GLE1: variants seen among roughly 807,000 people sequenced by gnomAD.
GLE1 encodes mRNA export factor GLE1.
Under a neutral mutation model 97.3 loss-of-function variants are expected in GLE1, and 78 were observed. The ratio of observed to expected loss-of-function variants is 0.80; its 90% CI spans 0.67 to 0.97. The LOEUF is 0.97. GLE1 is among the 50% of genes least tolerant of loss of function. The pLI, the probability that GLE1 is intolerant of heterozygous loss-of-function variation, is 0.00. For synonymous variants in GLE1, 302 were observed against 313.4 expected (o/e 0.96, Z 0.39); for missense variants, 753 against 857.5 (o/e 0.88, Z 1.52).
At chr9:128,509,612 T>G (rs1163280933) in intron 2 of GLE1, among the ~76,000 whole-genome samples, 1 of 151,340 alleles carries the variant, frequency 6.6e-6, no homozygotes, top group African/African-American at 2.4e-5. Flanking sequence ...CTATTTTCCT[T>G]TCTCTTTCTC....
At chr9:128,514,338 CAAA>C (rs1174493216) in intron 2 of GLE1, among the ~76,000 whole-genome samples, 9 of 91,542 alleles carry the variant, frequency 9.8e-5, no homozygotes, top group African/African-American at 1.9e-4. Context: ...GATCTTGTTT[CAAA>C]AAAAAAAAAA....
chr9:128,511,636 G>A (rs1846827114), intron 2 of GLE1, among the ~76,000 whole-genome samples: 1 of 150,532 alleles, frequency 6.6e-6, no homozygotes. Flanking sequence ...AACGCGGGAG[G>A]CAGAGCTTGC....
At chr9:128,515,685 A>T (rs372834398) in intron 3 of GLE1, 46 bp downstream of exon 3, 23 of 974,498 alleles carry the variant, frequency 2.4e-5, no homozygotes, top group Non-Finnish European at 3.3e-5. Context: ...TGCGAGCCAC[A>T]TTTAACTGCA....
intron 1 of GLE1, among the ~76,000 whole-genome samples, chr9:128,507,513 A>G (rs1483897355): frequency 2.0e-5 from 3 of 150,714 alleles, no homozygotes; most frequent in Non-Finnish European, 3.0e-5. Flanking sequence ...GAGCATGAAA[A>G]GTTGAGGCTG....
chr9:128,541,227 G>GGC lies in GLE1; in HGVS notation c.*57_*58insGC, dbSNP rs1847876346. 1.1e-6 allele frequency: 1 copy of GGC among 950,894 alleles called. No individual in the cohort carries two copies. The highest frequency in any genetic ancestry group is 1.7e-6 in the Non-Finnish European group (1 of 573,714). The allele number at this position is 950,894 out of a possible 1,614,324, so 58.9% of individuals were successfully genotyped here. Reference sequence around the variant, plus strand: ...GCAAAGAGGCAATAATAAAGGAACTGAAGACAGCTGTATTTGGGAGAAGTC... The same window carrying GGC: ...GCAAAGAGGCAATAATAAAGGAACTGGCAAGACAGCTGTATTTGGGAGAAGTC... On this transcript the variant is annotated 3_prime_UTR_variant, in exon 16 of 16. Transcript: ENST00000309971.
rs1370442137 is a variant in GLE1, at chr9:128,525,299, CAA to C, written c.1006_1007del (p.Lys336GlufsTer5). 1 of 1,613,958 alleles carries C rather than the reference CAA, an allele frequency of 6.2e-7. No individual in the cohort carries two copies. Among genetic ancestry groups the C allele is most frequent in the African/African-American group, 1.3e-5 (1 of 75,010 alleles). ...GQEITRACED[K>X]RRQDEEEAQV... ...AGGAGATCACCAGAGCCTGCGAAGA[CAA>C]GAGGAGGCAGGATGAAGAAGAGGCC... On this transcript the variant is annotated frameshift_variant, in exon 7 of 16. Coordinates refer to ENST00000309971, the MANE Select transcript of GLE1 (RefSeq NM_001003722.2). LOFTEE classifies it high-confidence loss of function.
Position 128,504,800 on chromosome 9 carries a change from C to T in GLE1, c.-6C>T, listed in dbSNP as rs375307410. 30 of 1,595,352 alleles carry T rather than the reference C, an allele frequency of 1.9e-5. No homozygotes were observed. In the African/African-American group the frequency reaches 3.2e-4, roughly 17 times the overall value. On this transcript the variant is annotated 5_prime_UTR_variant, in exon 1 of 16. Coordinates refer to ENST00000309971, the MANE Select transcript of GLE1 (RefSeq NM_001003722.2). ...GGGCGTCAGAGAAGCTGCCCCTTAG[C>T]CAACCATGCCGTCTGAGGGTCGCTG...
intron 1 of GLE1, among the ~76,000 whole-genome samples, chr9:128,506,121 G>A (rs1220421428): frequency 6.6e-6 from 1 of 152,106 alleles, no homozygotes; most frequent in African/African-American, 2.4e-5. Flanking sequence ...CGAGGGGGAC[G>A]GATCACTTGA....
chr9:128,538,302 A>T (rs755726753), intron 13 of GLE1, among the ~76,000 whole-genome samples: 14 of 152,112 alleles, frequency 9.2e-5, no homozygotes, highest in Non-Finnish European at 2.1e-4. Flanking sequence ...GATTTTTTTC[A>T]TTATAAAGAA....
intron 11 of GLE1, among the ~76,000 whole-genome samples, chr9:128,536,098 T>A (rs779168935): frequency 1.4e-4 from 21 of 152,238 alleles, no homozygotes; most frequent in Non-Finnish European, 2.6e-4. Flanking sequence ...AGTGATGCAA[T>A]CTTGACTCAC....
At chr9:128,539,920 A>C in intron 14 of GLE1, 1 of 1,334,506 alleles carries the variant, frequency 7.5e-7, no homozygotes, top group Non-Finnish European at 1.0e-6. Context: ...AAAAACACAA[A>C]TTAGGGGCTG....
At chr9:128,507,113 T>C (rs1846661016) in intron 1 of GLE1, among the ~76,000 whole-genome samples, 1 of 152,220 alleles carries the variant, frequency 6.6e-6, no homozygotes, top group Non-Finnish European at 1.5e-5. Flanking sequence ...GATTTAAAAT[T>C]ATATTTACAA....
chr9:128,539,552 T>C lies in GLE1; in HGVS notation c.1882-64T>C. 2.9e-6 allele frequency: 4 copies of C among 1,377,284 alleles called. No homozygotes were observed. The South Asian group carries it at 4.6e-5, about 16-fold the overall frequency. The allele number at this position is 1,377,284 out of a possible 1,614,324, so 85.3% of individuals were successfully genotyped here. A position where few individuals can be genotyped will look rare whatever the true frequency, so the allele number is the denominator to read the frequency against. ...AAGATGAAGGGCTGATTGTGCTTTA[T>C]GAATCTGTCCTGTGAGTGTGAATTT... On this transcript the variant is annotated intron_variant, in intron 13 of 15. Coordinates refer to ENST00000309971, the MANE Select transcript of GLE1 (RefSeq NM_001003722.2).
At chr9:128,522,931 T>A (rs1313833347) in intron 4 of GLE1, 115 bp downstream of exon 4, 3 of 1,210,974 alleles carry the variant, frequency 2.5e-6, no homozygotes, top group Non-Finnish European at 3.6e-6. Flanking sequence ...AATATCAAGG[T>A]AAAATAGGCA....
At position 128,504,831 on chromosome 9, in the gene GLE1, A is replaced by G. The variant is rs775461550; in HGVS notation, c.26A>G (p.Glu9Gly). 4 of 1,612,656 alleles carry G rather than the reference A, an allele frequency of 2.5e-6. No individual in the cohort carries two copies. Among genetic ancestry groups the G allele is most frequent in the Non-Finnish European group, 3.4e-6 (4 of 1,178,670 alleles). Residue 9 changes from glutamate (E) to glycine (G), a missense_variant, in exon 1 of 16, where the codon GAG (glutamate) becomes GGG (glycine). By Grantham distance (98) the Glu-to-Gly change is moderately conservative. Transcript: ENST00000309971. ...ATGCCGTCTGAGGGTCGCTGCTGGG[A>G]GACCTTGAAGGCCCTACGCAGTTCC... Reference protein sequence around the residue: MPSEGRCWETLKALRSSDK... With the variant: MPSEGRCWGTLKALRSSDK...
intron 13 of GLE1, among the ~76,000 whole-genome samples, chr9:128,538,813 AC>A (rs567382132): frequency 2.6e-5 from 4 of 152,088 alleles, no homozygotes; most frequent in Non-Finnish European, 5.9e-5. Context: ...CTCCCACCTA[AC>A]CCTGCCAAAG....
chr9:128,525,348 C>T lies in GLE1; in HGVS notation c.1054C>T (p.Gln352Ter), dbSNP rs936934620. The T allele has an allele frequency of 6.2e-7, 1 of 1,613,598 alleles. No individual in the cohort carries two copies. Among genetic ancestry groups the T allele is most frequent in the African/African-American group, 1.3e-5 (1 of 75,048 alleles). Reference protein sequence around the residue: ...EEAQVKLQEAQMQQGPEAHKE... With the variant: ...EEAQVKLQEA ...GGCCCAGGTAAAGCTGCAAGAGGCA[C>T]AGATGCAGCAGGGACCAGAGGCCCA... is the stretch of plus-strand genomic sequence containing the variant. Residue 352 changes from glutamine (Q) to a stop codon, truncating the protein, a stop_gained, in exon 7 of 16, where the codon CAG becomes TAG. Transcript: ENST00000309971. LOFTEE classifies it high-confidence loss of function.
At chr9:128,515,492 TA>T (rs1393523798) in intron 2 of GLE1, 36 bp from the exon 3 acceptor site, 1 of 677,684 alleles carries the variant, frequency 1.5e-6, no homozygotes, top group Non-Finnish European at 2.0e-6. Flanking sequence ...ATTAAAAACT[TA>T]TTTTTTAATT....
At chr9:128,521,837 T>C (rs566474701) in intron 3 of GLE1, among the ~76,000 whole-genome samples, 1 of 152,336 alleles carries the variant, frequency 6.6e-6, no homozygotes, top group African/African-American at 2.4e-5. Flanking sequence ...TCAAAGGATA[T>C]AGACACTTCA....
Sources: allele counts gnomAD v4.1 joint callset (sites outside exome capture counted in the v4.1 genomes callset), GRCh38; gene constraint gnomAD v4.1.1; transcripts MANE v1.5; gene names NCBI Gene and HGNC (gene_info 2026-07-23, HGNC 2026-07-21).